The following PRKN variants were observed in gnomAD, a reference collection of about 807,000 sequenced individuals.
PRKN encodes E3 ubiquitin-protein ligase parkin.
In PRKN, 56 loss-of-function variants were observed where a neutral mutation model predicts 59.5. The ratio of observed to expected loss-of-function variants is 0.94; its 90% CI spans 0.76 to 1.18. The LOEUF is 1.18. PRKN is among the 50% of genes most tolerant of loss of function. The pLI is 0.00. For missense variants in PRKN, 657 were observed against 596.4 expected (o/e 1.10, Z -1.06); for synonymous variants, 250 against 222.1 (o/e 1.13, Z -1.12).
chr6:161,505,586 A>T (rs1778135493), intron 9 of PRKN, among the ~76,000 whole-genome samples: 1 of 152,126 alleles, frequency 6.6e-6, no homozygotes, highest in African/African-American at 2.4e-5. Flanking sequence ...TGTTTTAGAC[A>T]TGAAGTCCTT....
At chr6:162,244,914 G>T (rs772797496) in intron 3 of PRKN, among the ~76,000 whole-genome samples, 27 of 152,114 alleles carry the variant, frequency 1.8e-4, no homozygotes, top group Non-Finnish European at 3.5e-4. Flanking sequence ...ATAAAAGAAG[G>T]AATGATAATT....
At chr6:162,174,133 TATACAGTTTAAAGGTAGAATTCCTGA>T (rs1428525538) in intron 4 of PRKN, among the ~76,000 whole-genome samples, 2 of 152,216 alleles carry the variant, frequency 1.3e-5, no homozygotes, top group African/African-American at 4.8e-5. Flanking sequence ...GTGCATTTTG[TATACAGTTTAAAGGTAGAATTCCTGA>T]AGTTATACGA....
rs1787754914 is a variant in PRKN, at chr6:161,414,666, A to C, written c.1084-27789T>G. 6.6e-6 allele frequency among the ~76,000 whole-genome samples: 1 copy of C among 152,154 alleles called. No individual in the cohort carries two copies. The highest frequency in any genetic ancestry group is 2.4e-5 in the African/African-American group (1 of 41,430). On this transcript the variant is annotated intron_variant, in intron 9 of 11. Transcript: ENST00000366898. This position sits in a 1 kb window ranked among gnomAD's most constrained non-coding sequence, Gnocchi z 5.3. The stretch of plus-strand genomic sequence containing the variant: ...ATGTTTCACAGCTACTGCACATCTG[A>C]TGAAGAGGATTTTTTTTAACTGAGT...
chr6:162,555,341 C>T (rs1044959593), intron 1 of PRKN, among the ~76,000 whole-genome samples: 4 of 151,992 alleles, frequency 2.6e-5, no homozygotes, highest in Admixed American at 2.0e-4. Flanking sequence ...TACTAGGATG[C>T]CAAATTTAAA....
intron 5 of PRKN, among the ~76,000 whole-genome samples, chr6:162,015,481 C>T (rs1029465964): frequency 1.1e-4 from 17 of 152,140 alleles, no homozygotes; most frequent in African/African-American, 2.9e-4. Context: ...AATATTCTCC[C>T]GTTCAAGGTC....
intron 9 of PRKN, among the ~76,000 whole-genome samples, chr6:161,509,780 T>C (rs1778314482): frequency 6.8e-6 from 1 of 148,080 alleles, no homozygotes; most frequent in Non-Finnish European, 1.5e-5. Flanking sequence ...CTCAGGAGGC[T>C]GAAGCAGGAG....
chr6:162,687,502 G>A (rs956347104), intron 1 of PRKN, among the ~76,000 whole-genome samples: 1 of 151,872 alleles, frequency 6.6e-6, no homozygotes, highest in South Asian at 2.1e-4. Flanking sequence ...GTCTTTTATG[G>A]AGAAATAGAG....
Position 161,870,318 on chromosome 6 carries a change from G to A in PRKN, c.735-84410C>T, listed in dbSNP as rs554664143. Among the ~76,000 whole-genome samples, 12 of 152,220 alleles carry A rather than the reference G, an allele frequency of 7.9e-5. No homozygotes were observed. In the East Asian group the frequency reaches 2.1e-3, roughly 27 times the overall value. ...TACTCTATTACCAAATTAGTGATAC[G>A]GATGTCAAGTGCTGTGGGTCATGAA... On this transcript the variant is annotated intron_variant, in intron 6 of 11. Coordinates refer to ENST00000366898, the MANE Select transcript of PRKN (RefSeq NM_004562.3).
intron 6 of PRKN, among the ~76,000 whole-genome samples, chr6:161,881,519 T>C (rs1488378325): frequency 1.3e-5 from 2 of 152,192 alleles, no homozygotes; most frequent in Non-Finnish European, 2.9e-5. Context: ...ACTGCAAATA[T>C]GCATTCCCTC....
chr6:162,308,191 G>A (rs538541502), intron 2 of PRKN, among the ~76,000 whole-genome samples: 16 of 150,914 alleles, frequency 1.1e-4, no homozygotes, highest in Admixed American at 5.3e-4. Flanking sequence ...TCAAATCCAC[G>A]TTTTATTTCC....
intron 2 of PRKN, among the ~76,000 whole-genome samples, chr6:162,426,257 G>A (rs1212403858): frequency 6.6e-6 from 1 of 152,114 alleles, no homozygotes; most frequent in African/African-American, 2.4e-5. Flanking sequence ...GAACAGAGTA[G>A]ACGGTTCAAA....
At chr6:162,226,428 C>T (rs1778184262) in intron 3 of PRKN, among the ~76,000 whole-genome samples, 1 of 152,172 alleles carries the variant, frequency 6.6e-6, no homozygotes, top group Non-Finnish European at 1.5e-5. Flanking sequence ...AGCATGAAAC[C>T]AGTCCTCACG....
At chr6:161,982,016 C>A (rs1041114478) in intron 5 of PRKN, among the ~76,000 whole-genome samples, 1 of 152,198 alleles carries the variant, frequency 6.6e-6, no homozygotes, top group African/African-American at 2.4e-5. Context: ...TGGTACATGT[C>A]TTCAAGAAGT....
intron 1 of PRKN, among the ~76,000 whole-genome samples, chr6:162,583,292 C>T (rs1780860994): frequency 6.6e-6 from 1 of 152,186 alleles, no homozygotes; most frequent in African/African-American, 2.4e-5. Context: ...CATAAATGCA[C>T]TAAGACAATG....
intron 7 of PRKN, among the ~76,000 whole-genome samples, chr6:161,728,733 A>G (rs564798220): frequency 5.3e-5 from 8 of 152,180 alleles, no homozygotes; most frequent in South Asian, 4.1e-4. Context: ...TTTGCTCCCC[A>G]TGATGATGGC....
Position 161,495,725 on chromosome 6 carries a change from G to A in PRKN, c.1083+53129C>T, listed in dbSNP as rs556768840. Reference sequence around the variant, plus strand: ...CATGTCCTGAGAGAAAGAGGTTCCTGTTTTGTTCACACAACTATTGTTCAT... The same window carrying A: ...CATGTCCTGAGAGAAAGAGGTTCCTATTTTGTTCACACAACTATTGTTCAT... On this transcript the variant is annotated intron_variant, in intron 9 of 11. Transcript: ENST00000366898. Among the ~76,000 whole-genome samples the A allele has an allele frequency of 1.4e-3, 219 of 152,302 alleles. 1 individual carries two copies. Among genetic ancestry groups the A allele is most frequent in the African/African-American group, 4.8e-3 (200 of 41,558 alleles).
Position 161,545,049 on chromosome 6 carries a change from G to T in PRKN, c.1083+3805C>A. The T allele has an allele frequency of 3.3e-6, 2 of 608,364 alleles. No homozygotes were observed. Among genetic ancestry groups the T allele is most frequent in the Non-Finnish European group, 4.4e-6 (2 of 455,484 alleles). The allele number at this position is 608,364 out of a possible 1,614,324, so 37.7% of individuals were successfully genotyped here. On this transcript the variant is annotated intron_variant, in intron 9 of 11. Coordinates refer to ENST00000366898, the MANE Select transcript of PRKN (RefSeq NM_004562.3). This position sits in a 1 kb window ranked among gnomAD's most constrained non-coding sequence, Gnocchi z 4.1. ...GACTAGAAGATTAGAATCCTCTGGA[G>T]CCCAGAGCTCAACACATGGGTGTCT... is the stretch of plus-strand genomic sequence containing the variant.
intron 4 of PRKN, among the ~76,000 whole-genome samples, chr6:162,072,016 C>G (rs1448835956): frequency 6.6e-6 from 1 of 152,128 alleles, no homozygotes; most frequent in Admixed American, 6.5e-5. Flanking sequence ...AATTTTAAGT[C>G]ATTGATTTTT....
At position 161,677,642 on chromosome 6, in the gene PRKN, G is replaced by A. The variant is rs1303077391; in HGVS notation, c.871+108130C>T. ...GTGGATGGGAACTTCTATGACTGAC[G>A]CCAAATAGCACACTGAAATTTGAAC... On this transcript the variant is annotated intron_variant, in intron 7 of 11. Transcript: ENST00000366898. 2.0e-5 allele frequency among the ~76,000 whole-genome samples: 3 copies of A among 152,122 alleles called. No homozygotes were observed. The South Asian group carries it at 6.2e-4, about 31-fold the overall frequency.
Sources: gnomAD v4.1 joint callset for allele counts (sites outside exome capture counted in the v4.1 genomes callset) on GRCh38, gnomAD v4.1.1 for gene constraint, Gnocchi (gnomAD v3.1) non-coding constraint, MANE v1.5 for transcripts, NCBI Gene and HGNC (gene_info 2026-07-23, HGNC 2026-07-21) for gene names.